Variants in CHAT observed in about 807,000 individuals in gnomAD.
The protein encoded by CHAT is acetyl CoA:choline O-acetyltransferase.
Under a neutral mutation model 76.9 loss-of-function variants are expected in CHAT, and 61 were observed. That is an observed-to-expected ratio of 0.79 (90% CI 0.65 to 0.98). The LOEUF (loss-of-function observed/expected upper bound fraction) is 0.98. Ranked by LOEUF, CHAT falls within the 50% of genes least tolerant of loss-of-function variation. The pLI, the probability that CHAT is intolerant of heterozygous loss-of-function variation, is 0.00. For synonymous variants in CHAT, 407 were observed against 397.4 expected (o/e 1.02, Z -0.29); for missense variants, 946 against 986.9 (o/e 0.96, Z 0.56).
chr10:49,623,073 G>T (rs1211092957), intron 5 of CHAT, among the ~76,000 whole-genome samples: 1 of 152,134 alleles, frequency 6.6e-6, no homozygotes, highest in Non-Finnish European at 1.5e-5. Context: ...TGTGTGCTCT[G>T]CTCACTCCTC....
At chr10:49,663,881 C>A (rs1342076757) in intron 14 of CHAT, among the ~76,000 whole-genome samples, 1 of 152,218 alleles carries the variant, frequency 6.6e-6, no homozygotes, top group East Asian at 1.9e-4. Context: ...GGCTTTATGG[C>A]CTTCGGCTAT....
chr10:49,651,696 T>G (rs571494748), intron 10 of CHAT, 188 bp from the exon 11 acceptor site: 1 of 600,454 alleles, frequency 1.7e-6, no homozygotes, highest in South Asian at 2.0e-5. Context: ...TGGCCTGGTT[T>G]GTCTTCTGAC....
At chr10:49,611,711 A>C, upstream of CHAT, 1 of 1,607,886 alleles carries the variant, frequency 6.2e-7, no homozygotes, top group Non-Finnish European at 8.5e-7. Flanking sequence ...GCGGCTTCCG[A>C]GTGGGAGATG....
intron 7 of CHAT, among the ~76,000 whole-genome samples, chr10:49,644,388 G>T (rs1288502317): frequency 6.6e-6 from 1 of 152,196 alleles, no homozygotes; most frequent in African/African-American, 2.4e-5. Flanking sequence ...TTCTAAGAGG[G>T]TAATGTGGTG....
upstream of CHAT, chr10:49,612,110 T>G (rs1350716157): frequency 6.2e-7 from 1 of 1,612,626 alleles, no homozygotes; most frequent in Non-Finnish European, 8.5e-7. Flanking sequence ...GGCATGGGAC[T>G]GGCCAACCTG....
At chr10:49,648,723 C>T (rs1004773996) in intron 9 of CHAT, 116 bp downstream of exon 9, 20 of 589,158 alleles carry the variant, frequency 3.4e-5, no homozygotes, top group African/African-American at 1.0e-4. Context: ...AAAATGTGTA[C>T]TATACACACA....
In CHAT at chr10:49,664,791, G is replaced by A. The variant is rs767717703; in HGVS notation, c.1992G>A (p.Thr664=). The A allele has an allele frequency of 1.2e-5, 20 of 1,614,080 alleles. No individual in the cohort carries two copies. Among genetic ancestry groups the A allele is most frequent in the Admixed American group, 5.0e-5 (3 of 60,004 alleles). The part of the protein sequence containing the change: ...VLSTSQVPTT[T]EMFCCYGPVV... ...CTCTCCTCCAGGTGCCCACAACCACGGAGATGTTCTGCTGCTATGGTCCTG... is the reference window on the plus strand; with the variant it reads ...CTCTCCTCCAGGTGCCCACAACCACAGAGATGTTCTGCTGCTATGGTCCTG... The change falls in exon 15 of 15, where the codon ACG becomes ACA. Residue 664 remains threonine, a synonymous_variant. Coordinates refer to ENST00000337653, the MANE Select transcript of CHAT (RefSeq NM_020549.5).
chr10:49,619,696 G>T, intron 2 of CHAT, 29 bp from the exon 3 acceptor site: 1 of 1,602,250 alleles, frequency 6.2e-7, no homozygotes. Flanking sequence ...CATACTAGAG[G>T]CACAATGCCT....
chr10:49,627,771 C>T lies in CHAT; in HGVS notation c.1097C>T (p.Thr366Met), dbSNP rs533289708. 1.9e-5 allele frequency: 30 copies of T among 1,613,718 alleles called. No homozygotes were observed. Among genetic ancestry groups the T allele is most frequent in the Admixed American group, 1.7e-4 (10 of 60,016 alleles). Residue 366 changes from threonine (T) to methionine (M), a missense_variant, in exon 7 of 15, where the codon ACG becomes ATG. By Grantham distance (81) the Thr-to-Met change is moderately conservative. Around this residue, in one of 3 missense-constraint regions of CHAT, gnomAD observed 548 missense variants for 516.2 expected, o/e 1.06. Coordinates refer to ENST00000337653, the MANE Select transcript of CHAT (RefSeq NM_020549.5). The part of the protein sequence containing the change: ...DGRSEWAEAR[T>M]VLVKDSTNRD... ...AGGAGCGAGTGGGCCGAGGCCAGGA[C>T]GGTCCTCGTGAAAGGTCAGCCGCAG...
In CHAT at chr10:49,614,257, G is replaced by C. The variant is rs1397406913; in HGVS notation, c.68G>C (p.Gly23Ala). The change falls in exon 1 of 15, where the codon GGA (glycine) becomes GCA (alanine). Residue 23 changes from glycine (G) to alanine (A), a missense_variant. Physicochemically the swap from Gly to Ala is moderately conservative, Grantham distance 60. This residue lies in a region of CHAT where 548 missense variants were observed against 516.2 expected (regional missense o/e 1.06). Coordinates refer to ENST00000337653, the MANE Select transcript of CHAT (RefSeq NM_020549.5). ...GGGAAATGGAAGAGAGAGGAGGGAG[G>C]AGGTACAAGAGGAAGGAGAGAAGTG... ...GGGKWKREEGGGTRGRREVRP... is the reference protein window; with the variant it reads ...GGGKWKREEGAGTRGRREVRP... 1.4e-5 allele frequency: 22 copies of C among 1,547,148 alleles called. No homozygotes were observed. The highest frequency in any genetic ancestry group is 1.9e-5 in the Non-Finnish European group (22 of 1,145,508).
upstream of CHAT, chr10:49,610,938 G>A (rs1838276818): frequency 2.5e-6 from 4 of 1,610,428 alleles, no homozygotes; most frequent in South Asian, 3.3e-5. Context: ...ACATGCGCGG[G>A]GGCGGCGAGG....
rs1840355280 is a variant in CHAT at position 49,667,079 on chromosome 10, CT to C, written c.*2035del. On this transcript the variant is annotated 3_prime_UTR_variant, in exon 15 of 15. Transcript: ENST00000337653. ...TCAAATGAGAACAAGAGTGTCCCCA[CT>C]TGCAAGACTATGAGGATTGGAGAGC... is the stretch of plus-strand genomic sequence containing the variant. Among the ~76,000 whole-genome samples the C allele has an allele frequency of 6.6e-6, 1 of 152,210 alleles. No homozygotes were observed. Among genetic ancestry groups the C allele is most frequent in the African/African-American group, 2.4e-5 (1 of 41,438 alleles).
intron 9 of CHAT, 53 bp downstream of exon 9, chr10:49,648,660 C>G: frequency 8.3e-7 from 1 of 1,206,270 alleles, no homozygotes; most frequent in South Asian, 1.3e-5. Flanking sequence ...TGTGGGTGGT[C>G]GCTGGGGGCT....
At chr10:49,638,274 T>C (rs190110492) in intron 7 of CHAT, among the ~76,000 whole-genome samples, 318 of 152,374 alleles carry the variant, frequency 2.1e-3, no homozygotes, top group African/African-American at 7.0e-3. Flanking sequence ...TTTTGATTAA[T>C]GTTTGCATGC....
chr10:49,622,136 G>C lies in CHAT; in HGVS notation c.738G>C (p.Lys246Asn). 1 of 1,613,650 alleles carries C rather than the reference G, an allele frequency of 6.2e-7. No individual in the cohort carries two copies. Among genetic ancestry groups the C allele is most frequent in the Non-Finnish European group, 8.5e-7 (1 of 1,179,764 alleles). ...TCATCTCTGGTGTACTCAGCTACAA[G>C]GCCCTGCTGGACAGGTAGGACTGGG... is the stretch of plus-strand genomic sequence containing the variant. ...ASLISGVLSY[K>N]ALLDSHSIPT... The change falls in exon 5 of 15, where the codon AAG (lysine) becomes AAC (asparagine). Residue 246 changes from lysine to asparagine, a missense_variant. Lys to Asn is a moderately conservative substitution (Grantham distance 94). Transcript: ENST00000337653.
At chr10:49,642,024 A>G (rs562336426) in intron 7 of CHAT, among the ~76,000 whole-genome samples, 1 of 152,230 alleles carries the variant, frequency 6.6e-6, no homozygotes, top group South Asian at 2.1e-4. Flanking sequence ...GGCCTCTGGA[A>G]TTTCCACACT....
upstream of CHAT, chr10:49,611,661 C>T (rs1335474158): frequency 6.2e-7 from 1 of 1,611,760 alleles, no homozygotes; most frequent in Non-Finnish European, 8.5e-7. Context: ...CCCTCGCCTT[C>T]CTCGAACCCA....
In CHAT at chr10:49,635,600, CA is replaced by C. The variant is rs536643566; in HGVS notation, c.1111+7816del. ...CATCTTTGCCAGCATTTGGTGGTGT[CA>C]CTTTTTTTTATTTTAACCATTTTGA... On this transcript the variant is annotated intron_variant, in intron 7 of 14. Transcript: ENST00000337653. Among the ~76,000 whole-genome samples, 705 of 152,224 alleles carry C rather than the reference CA, an allele frequency of 4.6e-3. 4 individuals carry two copies. Among genetic ancestry groups the C allele is most frequent in the African/African-American group, 0.015 (627 of 41,568 alleles).
rs755783618 is a variant in CHAT at position 49,665,018 on chromosome 10, C to G, written c.2219C>G (p.Thr740Arg). The G allele has an allele frequency of 1.9e-6, 3 of 1,614,164 alleles. No individual in the cohort carries two copies. The African/African-American group carries it at 4.0e-5, about 22-fold the overall frequency. The change falls in exon 15 of 15, where the codon ACG (threonine) becomes AGG (arginine). Residue 740 changes from threonine (T) to arginine (R), a missense_variant. By Grantham distance (71) the Thr-to-Arg change is moderately conservative. Coordinates refer to ENST00000337653, the MANE Select transcript of CHAT (RefSeq NM_020549.5). Reference protein sequence around the residue: ...SKPLATKEKATRPSQGHQP With the variant: ...SKPLATKEKARRPSQGHQP ...CCATTGGCAACAAAGGAAAAAGCCACGAGGCCCAGCCAGGGACACCAACCT... is the reference window on the plus strand; with the variant it reads ...CCATTGGCAACAAAGGAAAAAGCCAGGAGGCCCAGCCAGGGACACCAACCT...
Sources: allele counts gnomAD v4.1 joint callset (sites outside exome capture counted in the v4.1 genomes callset), GRCh38; gene constraint gnomAD v4.1.1; regional missense constraint gnomAD v4.1.1; transcripts MANE v1.5; gene names NCBI Gene and HGNC (gene_info 2026-07-23, HGNC 2026-07-21).